The following MYOM2 variants were observed in gnomAD, a reference collection of about 807,000 sequenced individuals.
The protein encoded by MYOM2 is myomesin-2.
A neutral mutation model predicts 187.6 loss-of-function variants in MYOM2; 254 were observed. The observed-to-expected ratio is 1.35, with a 90% CI of 1.22 to 1.50. The LOEUF is 1.50. Ranked by LOEUF, MYOM2 falls within the 40% of genes most tolerant of loss-of-function variation. The pLI is 0.00. For synonymous variants in MYOM2, 981 were observed against 753.8 expected (o/e 1.30, Z -4.94); for missense variants, 2,796 against 1,924.0 (o/e 1.45, Z -8.48).
chr8:2,069,794 T>G (rs567750685), intron 8 of MYOM2, among the ~76,000 whole-genome samples: 1 of 152,272 alleles, frequency 6.6e-6, no homozygotes, highest in African/African-American at 2.4e-5. Context: ...TATGGCTAGG[T>G]GGTATTTTTA....
Position 2,076,176 on chromosome 8 carries a change from C to A in MYOM2, c.1156C>A (p.Pro386Thr). 3 of 1,613,220 alleles carry A rather than the reference C, an allele frequency of 1.9e-6. No homozygotes were observed. The highest frequency in any genetic ancestry group is 1.7e-6 in the Non-Finnish European group (2 of 1,179,870). The stretch of plus-strand genomic sequence containing the variant: ...GCTGGTCACAGGGGCCCCCGGTGCA[C>A]CCATGGACTTGCAGTGCCACGACGC... The part of the protein sequence containing the change: ...DPLVTGAPGA[P>T]MDLQCHDANR... Residue 386 changes from proline to threonine, a missense_variant, in exon 11 of 37, where the codon CCC (proline) becomes ACC (threonine). Coordinates refer to ENST00000262113, the MANE Select transcript of MYOM2 (RefSeq NM_003970.4).
intron 19 of MYOM2, 149 bp downstream of exon 19, chr8:2,099,132 C>T (rs1007246947): frequency 7.6e-5 from 84 of 1,106,780 alleles, no homozygotes; most frequent in Non-Finnish European, 1.0e-4. Context: ...CGCCAGGCGC[C>T]GTGCAGGGCT....
At chr8:2,123,680 T>A in intron 30 of MYOM2, 38 bp downstream of exon 30, 1 of 1,562,296 alleles carries the variant, frequency 6.4e-7, no homozygotes, top group Non-Finnish European at 8.8e-7. Context: ...AACAAGAAAT[T>A]CCTTTCACCA....
In MYOM2 at chr8:2,106,931, A is replaced by G. The variant is rs903068444; in HGVS notation, c.2998+334A>G. Among the ~76,000 whole-genome samples the G allele has an allele frequency of 5.9e-5, 9 of 152,212 alleles. No individual in the cohort carries two copies. The South Asian group carries it at 6.2e-4, about 10-fold the overall frequency. ...AATCCATGAAATTAATGAGAGACCTACGGGTGGAAGAGTCTTCCCTTCCTT... is the reference window on the plus strand; with the variant it reads ...AATCCATGAAATTAATGAGAGACCTGCGGGTGGAAGAGTCTTCCCTTCCTT... On this transcript the variant is annotated intron_variant, in intron 23 of 36. Coordinates refer to ENST00000262113, the MANE Select transcript of MYOM2 (RefSeq NM_003970.4).
intron 8 of MYOM2, among the ~76,000 whole-genome samples, chr8:2,071,609 G>A (rs1256103746): frequency 2.6e-5 from 4 of 152,122 alleles, no homozygotes; most frequent in Non-Finnish European, 4.4e-5. Flanking sequence ...CTTCACACAC[G>A]ATCAGGTTCT....
chr8:2,102,815 T>C, intron 21 of MYOM2, 34 bp downstream of exon 21: 1 of 1,533,980 alleles, frequency 6.5e-7, no homozygotes, highest in Non-Finnish European at 9.0e-7. Flanking sequence ...AAAACAGCAA[T>C]GATTTGTGGG....
intron 13 of MYOM2, chr8:2,081,881 T>C (rs953903057): frequency 9.2e-5 from 14 of 152,260 alleles, no homozygotes; most frequent in Admixed American, 3.9e-4. Flanking sequence ...AAGACACAGA[T>C]GCTCTTTTCC....
In MYOM2 at chr8:2,072,444, A is replaced by G; in HGVS notation, c.893A>G (p.Lys298Arg). 1 of 1,614,134 alleles carries G rather than the reference A, an allele frequency of 6.2e-7. No individual in the cohort carries two copies. Residue 298 changes from lysine (K) to arginine (R), a missense_variant, in exon 9 of 37, where the codon AAG becomes AGG. Transcript: ENST00000262113. Reference protein sequence around the residue: ...FRREGETVTLKCTMLVTPDLK... With the variant: ...FRREGETVTLRCTMLVTPDLK... ...AGGGAAGGCGAGACGGTCACTCTCA[A>G]GTGCACCATGCTGGTGACGCCGGAC... is the stretch of plus-strand genomic sequence containing the variant.
intron 14 of MYOM2, 45 bp downstream of exon 14, chr8:2,085,435 C>T (rs375758114): frequency 2.6e-5 from 41 of 1,599,860 alleles, no homozygotes; most frequent in South Asian, 4.5e-5. Context: ...CTCTGCATGG[C>T]CCCCCACTGT....
At chr8:2,076,986 A>C (rs1819447135) in intron 11 of MYOM2, among the ~76,000 whole-genome samples, 1 of 152,220 alleles carries the variant, frequency 6.6e-6, no homozygotes, top group Non-Finnish European at 1.5e-5. Flanking sequence ...TAGTTGAAGA[A>C]AATGAATTTA....
At position 2,144,645 on chromosome 8, in the gene MYOM2, C is replaced by A; in HGVS notation, c.4081-19C>A. On this transcript the variant is annotated intron_variant, in intron 36 of 36. Transcript: ENST00000262113. ...CTTTTTCTAACTCTTCCTTCTCCAC[C>A]AACCTCTTCCGTCCAAAGACCTTGA... 1 of 1,610,496 alleles carries A rather than the reference C, an allele frequency of 6.2e-7. No homozygotes were observed. Among genetic ancestry groups the A allele is most frequent in the Non-Finnish European group, 8.5e-7 (1 of 1,179,136 alleles).
Position 2,076,266 on chromosome 8 carries a change from G to C in MYOM2, c.1246G>C (p.Gly416Arg). ...CACCACCACTGAGAGCCCCGTCATG[G>C]GCTATTTTGTGGACCGGTGAGCGTC... ...PNTTTESPVM[G>R]YFVDRCEVGT... is the part of the protein sequence containing the mutation. Residue 416 changes from glycine to arginine, a missense_variant, in exon 11 of 37, where the codon GGC becomes CGC. By Grantham distance (125) the Gly-to-Arg change is moderately radical (BLOSUM62 -2). Transcript: ENST00000262113. 2 of 1,613,672 alleles carry C rather than the reference G, an allele frequency of 1.2e-6. No individual in the cohort carries two copies. The highest frequency in any genetic ancestry group is 1.7e-6 in the Non-Finnish European group (2 of 1,179,920).
intron 8 of MYOM2, among the ~76,000 whole-genome samples, chr8:2,071,771 A>G (rs1819229814): frequency 3.3e-5 from 5 of 152,218 alleles, no homozygotes; most frequent in Admixed American, 3.3e-4. Flanking sequence ...TGGAGGCAGA[A>G]GCCTGACACT....
intron 18 of MYOM2, among the ~76,000 whole-genome samples, chr8:2,097,675 C>T (rs867986370): frequency 3.3e-5 from 5 of 152,164 alleles, no homozygotes; most frequent in African/African-American, 4.8e-5. Context: ...CCACCACGCC[C>T]GGCTAATTTT....
At chr8:2,109,246 T>C (rs960406765) in intron 24 of MYOM2, 149 bp from the exon 25 acceptor site, 10 of 960,436 alleles carry the variant, frequency 1.0e-5, no homozygotes, top group African/African-American at 1.7e-5. Context: ...AGTTTTATTT[T>C]ATATTTTTAG....
chr8:2,073,584 A>T, intron 10 of MYOM2, 84 bp downstream of exon 10: 1 of 1,452,366 alleles, frequency 6.9e-7, no homozygotes, highest in Non-Finnish European at 9.1e-7. Flanking sequence ...AGGCGCTGGG[A>T]AAAGGAGTCC....
chr8:2,073,073 T>C (rs1172659917), intron 9 of MYOM2, among the ~76,000 whole-genome samples: 1 of 152,188 alleles, frequency 6.6e-6, no homozygotes, highest in Non-Finnish European at 1.5e-5. Context: ...CCAGTTTACC[T>C]GAGGACAAAG....
intron 12 of MYOM2, among the ~76,000 whole-genome samples, 195 bp downstream of exon 12, chr8:2,079,128 C>T (rs1819535127): frequency 6.6e-6 from 1 of 152,202 alleles, no homozygotes; most frequent in Non-Finnish European, 1.5e-5. Context: ...GGCTGACGTA[C>T]ACTCTAAAAT....
At chr8:2,093,613 A>C (rs1796381451) in intron 16 of MYOM2, among the ~76,000 whole-genome samples, 1 of 152,220 alleles carries the variant, frequency 6.6e-6, no homozygotes, top group Non-Finnish European at 1.5e-5. Context: ...GCCTGTAACC[A>C]CTGCAGTGTA....
Sources: gnomAD v4.1 joint callset for allele counts (sites outside exome capture counted in the v4.1 genomes callset) on GRCh38, gnomAD v4.1.1 for gene constraint, MANE v1.5 for transcripts, NCBI Gene and HGNC (gene_info 2026-07-23, HGNC 2026-07-21) for gene names.